ZBTB38: variants seen among roughly 807,000 people sequenced by gnomAD.
ZBTB38 encodes the protein zinc finger and BTB domain containing 38, also known as zinc finger and BTB domain-containing protein 38.
A neutral mutation model predicts 76.8 loss-of-function variants in ZBTB38; 20 were observed. The observed-to-expected ratio is 0.26, with a 90% CI of 0.18 to 0.38. The LOEUF (loss-of-function observed/expected upper bound fraction) is 0.38, where lower values mean the gene tolerates loss of function less well. ZBTB38 is among the 10% of genes least tolerant of loss of function. ZBTB38 has a pLI of 1.00. For missense variants in ZBTB38, 1,082 were observed against 1,482.3 expected (o/e 0.73, Z 4.43); for synonymous variants, 504 against 544.2 (o/e 0.93, Z 1.03).
intron 3 of ZBTB38, among the ~76,000 whole-genome samples, chr3:141,384,248 C>T (rs1946614413): frequency 6.6e-6 from 1 of 152,214 alleles, no homozygotes; most frequent in Admixed American, 6.5e-5. Context: ...ATCTGGCTTA[C>T]AAGTACCAGT....
At chr3:141,408,541 C>T (rs1412861712) in intron 5 of ZBTB38, among the ~76,000 whole-genome samples, 1 of 151,176 alleles carries the variant, frequency 6.6e-6, no homozygotes, top group Non-Finnish European at 1.5e-5. Context: ...AGCAACACTC[C>T]ATCTCAAAAA....
At position 141,390,837 on chromosome 3, in the gene ZBTB38, G is replaced by A. The variant is rs374677833; in HGVS notation, c.-106+3900G>A. Reference sequence around the variant, plus strand: ...ATAGATGTAAATAAAGAAGGCAAGTGCACAGAGGAAAATTAAAAATTTTAA... The same window carrying A: ...ATAGATGTAAATAAAGAAGGCAAGTACACAGAGGAAAATTAAAAATTTTAA... On this transcript the variant is annotated intron_variant, in intron 4 of 5. Transcript: ENST00000321464. Among the ~76,000 whole-genome samples, 46 of 152,292 alleles carry A rather than the reference G, an allele frequency of 3.0e-4. 2 individuals are homozygous for A. The South Asian group carries it at 5.0e-3, about 16-fold the overall frequency.
At chr3:141,434,996 G>T (rs2078431254) in intron 5 of ZBTB38, among the ~76,000 whole-genome samples, 2 of 151,994 alleles carry the variant, frequency 1.3e-5, no homozygotes, top group East Asian at 3.9e-4. Flanking sequence ...ATCCAAGGAT[G>T]GTGGCACATG....
chr3:141,336,721 G>A (rs890468656), intron 1 of ZBTB38, among the ~76,000 whole-genome samples: 13 of 152,166 alleles, frequency 8.5e-5, no homozygotes, highest in African/African-American at 3.1e-4. Context: ...GGCCACGGTC[G>A]GCCTCTGGGC....
intron 3 of ZBTB38, among the ~76,000 whole-genome samples, chr3:141,385,374 G>A (rs1013644421): frequency 2.6e-5 from 4 of 152,020 alleles, no homozygotes; most frequent in African/African-American, 9.7e-5. Flanking sequence ...GCTATAGAGT[G>A]GAAAAGAATC....
chr3:141,370,302 A>C (rs1331149956), intron 2 of ZBTB38, among the ~76,000 whole-genome samples: 1 of 152,220 alleles, frequency 6.6e-6, no homozygotes, highest in Non-Finnish European at 1.5e-5. Context: ...GTAAGAAAAG[A>C]GCATGAAAAA....
Position 141,444,421 on chromosome 3 carries a change from C to T in ZBTB38, c.2033C>T (p.Thr678Ile). Residue 678 changes from threonine (T) to isoleucine (I), a missense_variant, in exon 6 of 6, where the codon ACT becomes ATT. Physicochemically the swap from Thr to Ile is moderately conservative, Grantham distance 89 (BLOSUM62 -1). Transcript: ENST00000321464. The surrounding 1 kb of genome is among the most constrained non-coding windows in gnomAD (Gnocchi z 5.1). ...FYSTEVSVSS[T>I]ENAVSSDLRA... The stretch of plus-strand genomic sequence containing the variant: ...TCAACTGAGGTGTCAGTTTCTTCCA[C>T]TGAAAATGCTGTCAGTTCTGACCTC... 6.2e-7 allele frequency: 1 copy of T among 1,614,050 alleles called. No homozygotes were observed. The highest frequency in any genetic ancestry group is 8.5e-7 in the Non-Finnish European group (1 of 1,180,034).
intron 1 of ZBTB38, among the ~76,000 whole-genome samples, chr3:141,359,230 T>C (rs542811830): frequency 6.6e-6 from 1 of 152,360 alleles, no homozygotes; most frequent in African/African-American, 2.4e-5. Flanking sequence ...CCCTCATTGT[T>C]GGAAGATGCT....
intron 5 of ZBTB38, among the ~76,000 whole-genome samples, chr3:141,420,583 T>C (rs893195580): frequency 3.3e-5 from 5 of 152,248 alleles, no homozygotes; most frequent in Admixed American, 6.5e-5. Flanking sequence ...CTCAGTTTCC[T>C]TCTTTAAAGA....
chr3:141,347,765 TG>T (rs1332482659), intron 1 of ZBTB38, among the ~76,000 whole-genome samples: 1 of 152,252 alleles, frequency 6.6e-6, no homozygotes, highest in Non-Finnish European at 1.5e-5. Context: ...CTGCCATGGT[TG>T]TGGCTGTTCT....
intron 4 of ZBTB38, chr3:141,402,668 C>G (rs973889984): frequency 1.3e-5 from 2 of 150,902 alleles, no homozygotes; most frequent in African/African-American, 2.4e-5. Flanking sequence ...GCCCGGACTC[C>G]GGGGCCCGCG....
intron 2 of ZBTB38, among the ~76,000 whole-genome samples, chr3:141,371,245 G>T (rs539433367): frequency 5.3e-4 from 80 of 151,510 alleles, no homozygotes; most frequent in African/African-American, 1.9e-3. Flanking sequence ...TAGAGATGGG[G>T]TTTCACCATG....
chr3:141,339,160 G>A (rs73232977), intron 1 of ZBTB38, among the ~76,000 whole-genome samples: 2,175 of 152,196 alleles, frequency 0.014, 22 homozygotes, highest in Middle Eastern at 0.099. Flanking sequence ...TCTAAGGCAG[G>A]ATATTCTGGA....
chr3:141,372,064 T>C (rs960762267), intron 2 of ZBTB38, among the ~76,000 whole-genome samples: 2 of 152,226 alleles, frequency 1.3e-5, no homozygotes, highest in African/African-American at 4.8e-5. Flanking sequence ...ATCCACACCC[T>C]GAAGAGCATG....
chr3:141,431,341 A>AAAAAAAAAATATATATAT, intron 5 of ZBTB38, among the ~76,000 whole-genome samples: 4 of 103,288 alleles, frequency 3.9e-5, no homozygotes, highest in South Asian at 5.5e-4. Flanking sequence ...AAAAAAAAAA[A>AAAAAAAAAATATATATAT]ATATATATAT....
At chr3:141,355,149 CTCTT>C (rs1209321309) in intron 1 of ZBTB38, among the ~76,000 whole-genome samples, 1 of 152,034 alleles carries the variant, frequency 6.6e-6, no homozygotes, top group African/African-American at 2.4e-5. Flanking sequence ...AAGCACTCCT[CTCTT>C]TCCAGGGAAT....
At chr3:141,424,733 G>A (rs1221284415) in intron 5 of ZBTB38, among the ~76,000 whole-genome samples, 1 of 152,082 alleles carries the variant, frequency 6.6e-6, no homozygotes. Flanking sequence ...GAGCCCCTAT[G>A]GGGTATCAAG....
chr3:141,447,809 T>A lies in ZBTB38; in HGVS notation c.*1833T>A, dbSNP rs2081209437. On this transcript the variant is annotated 3_prime_UTR_variant, in exon 6 of 6. Coordinates refer to ENST00000321464, the MANE Select transcript of ZBTB38 (RefSeq NM_001376113.1). Reference sequence around the variant, plus strand: ...AAAGGACATGATTAAAGTTGACCTTTTAATACTGTAGTACCTTGCTGTTAA... The same window carrying A: ...AAAGGACATGATTAAAGTTGACCTTATAATACTGTAGTACCTTGCTGTTAA... The A allele has an allele frequency of 6.6e-6, 1 of 152,526 alleles. No individual in the cohort carries two copies. 9.4% of individuals were successfully genotyped at this position (152,526 alleles called of 1,614,324 possible). A position where few individuals can be genotyped will look rare whatever the true frequency, so the allele number is the denominator to read the frequency against.
In ZBTB38 at chr3:141,444,258, A is replaced by G. The variant is rs1289045198; in HGVS notation, c.1870A>G (p.Thr624Ala). 11 of 1,614,194 alleles carry G rather than the reference A, an allele frequency of 6.8e-6. No individual in the cohort carries two copies. Among genetic ancestry groups the G allele is most frequent in the Non-Finnish European group, 8.5e-6 (10 of 1,180,042 alleles). ...GCTGAATTTCCAAGATACTGTAAAC[A>G]CCCTGACCAACAGTCCAGCCATCCC... ...PTLNFQDTVN[T>A]LTNSPAIPLE... Residue 624 changes from threonine to alanine, a missense_variant, in exon 6 of 6, where the codon ACC becomes GCC. Coordinates refer to ENST00000321464, the MANE Select transcript of ZBTB38 (RefSeq NM_001376113.1). The surrounding 1 kb of genome is among the most constrained non-coding windows in gnomAD (Gnocchi z 5.1).
Sources: gnomAD v4.1 joint callset for allele counts (sites outside exome capture counted in the v4.1 genomes callset) on GRCh38, gnomAD v4.1.1 for gene constraint, Gnocchi (gnomAD v3.1) non-coding constraint, MANE v1.5 for transcripts, NCBI Gene and HGNC (gene_info 2026-07-23, HGNC 2026-07-21) for gene names.